Variants in SEMA3A observed in about 807,000 individuals in gnomAD.
SEMA3A encodes semaphorin-3A.
Under a neutral mutation model 97.9 loss-of-function variants are expected in SEMA3A, and 29 were observed. That is an observed-to-expected ratio of 0.30 (90% CI 0.22 to 0.40). The LOEUF is 0.40. Among genes scored for constraint, SEMA3A ranks in the 10% least tolerant of loss-of-function variants. The pLI, the probability that SEMA3A is intolerant of heterozygous loss-of-function variation, is 1.00. For synonymous variants in SEMA3A, 321 were observed against 323.7 expected (o/e 0.99, Z 0.09); for missense variants, 763 against 951.3 (o/e 0.80, Z 2.60).
intron 2 of SEMA3A, among the ~76,000 whole-genome samples, chr7:84,338,035 A>AT (rs1802078920): frequency 6.6e-6 from 1 of 151,980 alleles, no homozygotes; most frequent in East Asian, 1.9e-4. Context: ...ACACATAAAT[A>AT]TTTTTATCAT....
chr7:83,967,469 A>G (rs754172209), intron 15 of SEMA3A, among the ~76,000 whole-genome samples: 2 of 151,810 alleles, frequency 1.3e-5, no homozygotes, highest in Non-Finnish European at 2.9e-5. Flanking sequence ...CATACTGTCA[A>G]TTTTGCCGGG....
chr7:84,326,528 T>G (rs1801778841), intron 2 of SEMA3A, among the ~76,000 whole-genome samples: 1 of 152,040 alleles, frequency 6.6e-6, no homozygotes, highest in African/African-American at 2.4e-5. Flanking sequence ...AAAATTGAAT[T>G]TATAAGTGAT....
In SEMA3A at chr7:84,194,653, T is replaced by C. The variant is rs974887340; in HGVS notation, c.-67A>G. On this transcript the variant is annotated 5_prime_UTR_variant, in exon 1 of 17. Transcript: ENST00000265362. ...TCCTGTATTGTGCGGCCAGAGAAGT[T>C]CAAACAATCTGGAAACTGGAGGTAA... The C allele has an allele frequency of 1.0e-6, 1 of 995,206 alleles. No homozygotes were observed. The highest frequency in any genetic ancestry group is 1.6e-6 in the Non-Finnish European group (1 of 633,774). The allele number at this position is 995,206 out of a possible 1,614,324, so 61.6% of individuals were successfully genotyped here. A position where few individuals can be genotyped will look rare whatever the true frequency, so the allele number is the denominator to read the frequency against.
intron 1 of SEMA3A, among the ~76,000 whole-genome samples, chr7:84,448,633 A>G (rs943763697): frequency 1.2e-4 from 19 of 152,114 alleles, no homozygotes; most frequent in African/African-American, 4.3e-4. Flanking sequence ...ATACAAGAAA[A>G]ACTACAAAAC....
intron 1 of SEMA3A, among the ~76,000 whole-genome samples, chr7:84,421,151 A>ACT (rs539398643): frequency 6.6e-6 from 1 of 151,818 alleles, no homozygotes; most frequent in Non-Finnish European, 1.5e-5. Flanking sequence ...AGAGAAAGAA[A>ACT]CTCATCATTT....
At chr7:83,990,162 GTTGT>G (rs1361954553) in intron 12 of SEMA3A, among the ~76,000 whole-genome samples, 34 of 151,612 alleles carry the variant, frequency 2.2e-4, no homozygotes, top group African/African-American at 3.1e-4. Context: ...TTTTGATGGG[GTTGT>G]TTGTTTTTTT....
chr7:83,991,631 T>C (rs1003934023), intron 12 of SEMA3A, among the ~76,000 whole-genome samples: 4 of 152,136 alleles, frequency 2.6e-5, no homozygotes, highest in South Asian at 2.1e-4. Flanking sequence ...TTTATTGATT[T>C]GCATATATTG....
At chr7:83,984,390 C>T (rs142294207) in intron 13 of SEMA3A, among the ~76,000 whole-genome samples, 1 of 152,068 alleles carries the variant, frequency 6.6e-6, no homozygotes, top group Non-Finnish European at 1.5e-5. Context: ...TGGAGATTAT[C>T]GATCTATTTT....
chr7:84,227,225 A>T (rs1799010950), intron 3 of SEMA3A, among the ~76,000 whole-genome samples: 1 of 151,792 alleles, frequency 6.6e-6, no homozygotes, highest in Admixed American at 6.6e-5. Flanking sequence ...AAGAAGATTC[A>T]ACAGCCAACA....
Position 84,135,695 on chromosome 7 carries a change from C to G in SEMA3A, c.113-744G>C, listed in dbSNP as rs547257313. On this transcript the variant is annotated intron_variant, in intron 1 of 16. Transcript: ENST00000265362. ...GTGGGGGAAACATCCGGTTTAACCT[C>G]TTAGGTTCCTTGAGGCCTCTTTTAT... is the stretch of plus-strand genomic sequence containing the variant. Among the ~76,000 whole-genome samples the G allele has an allele frequency of 2.6e-5, 4 of 152,228 alleles. No homozygotes were observed. In the East Asian group the frequency reaches 7.7e-4, roughly 29 times the overall value.
At chr7:84,410,095 A>T in intron 1 of SEMA3A, among the ~76,000 whole-genome samples, 1 of 152,110 alleles carries the variant, frequency 6.6e-6, no homozygotes, top group East Asian at 1.9e-4. Flanking sequence ...AGTTGAAAAT[A>T]CAAGACTGTT....
chr7:84,166,930 G>T (rs1213207738), intron 1 of SEMA3A, among the ~76,000 whole-genome samples: 1 of 149,116 alleles, frequency 6.7e-6, no homozygotes, highest in Admixed American at 6.7e-5. Context: ...CAGCAATGTT[G>T]AATTAATAAT....
At chr7:84,221,016 C>A (rs1040411494) in intron 3 of SEMA3A, among the ~76,000 whole-genome samples, 1 of 152,160 alleles carries the variant, frequency 6.6e-6, no homozygotes, top group Non-Finnish European at 1.5e-5. Context: ...CAATAGAAAG[C>A]TGTTTCATCT....
chr7:84,108,160 T>G (rs1193434570), intron 4 of SEMA3A, among the ~76,000 whole-genome samples: 1 of 152,176 alleles, frequency 6.6e-6, no homozygotes, highest in South Asian at 2.1e-4. Flanking sequence ...CTTTCACAAC[T>G]GTATGAGGTA....
At position 84,108,910 on chromosome 7, in the gene SEMA3A, G is replaced by GAAA. The variant is rs796700320; in HGVS notation, c.453+1557_453+1559dup. Among the ~76,000 whole-genome samples, 1,120 of 121,838 alleles carry GAAA rather than the reference G, an allele frequency of 9.2e-3. 37 individuals are homozygous for GAAA. The highest frequency in any genetic ancestry group is 0.029 in the African/African-American group (903 of 31,582). The allele number at this position is 121,838 out of a possible 152,430, so 79.9% of individuals were successfully genotyped here. On this transcript the variant is annotated intron_variant, in intron 4 of 16. Coordinates refer to ENST00000265362, the MANE Select transcript of SEMA3A (RefSeq NM_006080.3). Reference sequence around the variant, plus strand: ...ACAGAGTGAGACTCCATACTCACAAGAAAAAAAAAAAAAAAAAGGTCAGCA... The same window carrying GAAA: ...ACAGAGTGAGACTCCATACTCACAAGAAAAAAAAAAAAAAAAAAAAGGTCAGCA...
rs533350810 is a variant in SEMA3A, at chr7:84,137,868, AT to A, written c.113-2918del. Among the ~76,000 whole-genome samples, 5 of 152,276 alleles carry A rather than the reference AT, an allele frequency of 3.3e-5. No homozygotes were observed. The South Asian group carries it at 8.3e-4, about 25-fold the overall frequency. ...AAGAAGTTGTAGGAAAATAAATACT[AT>A]AGCTACAGATTTTGGAGTTATACAG... On this transcript the variant is annotated intron_variant, in intron 1 of 16. Coordinates refer to ENST00000265362, the MANE Select transcript of SEMA3A (RefSeq NM_006080.3).
chr7:84,064,365 C>T (rs1257652659), intron 4 of SEMA3A, among the ~76,000 whole-genome samples: 8 of 152,086 alleles, frequency 5.3e-5, no homozygotes, highest in African/African-American at 1.2e-4. Context: ...CATCAACTAA[C>T]GAGCAAAATA....
chr7:84,031,140 G>C (rs528327924), intron 6 of SEMA3A, among the ~76,000 whole-genome samples: 5 of 151,720 alleles, frequency 3.3e-5, no homozygotes, highest in Non-Finnish European at 7.4e-5. Context: ...CTACAGGTGT[G>C]TGCCACCACG....
chr7:84,350,752 C>T (rs1199924465), intron 2 of SEMA3A, among the ~76,000 whole-genome samples: 3 of 152,164 alleles, frequency 2.0e-5, no homozygotes, highest in Non-Finnish European at 4.4e-5. Context: ...TCTCAACAAA[C>T]ATCTAAATCC....
Sources: gnomAD v4.1 joint callset for allele counts (sites outside exome capture counted in the v4.1 genomes callset) on GRCh38, gnomAD v4.1.1 for gene constraint, MANE v1.5 for transcripts, NCBI Gene and HGNC (gene_info 2026-07-23, HGNC 2026-07-21) for gene names.